Variants in ZFHX3 observed in about 807,000 individuals in gnomAD.
ZFHX3 encodes the protein zinc finger homeobox 3.
In ZFHX3, 42 loss-of-function variants were observed where a neutral mutation model predicts 279.1. That is an observed-to-expected ratio of 0.15 (90% CI 0.12 to 0.19). The LOEUF is 0.19. Among genes scored for constraint, ZFHX3 ranks in the 10% least tolerant of loss-of-function variants. ZFHX3 has a pLI of 1.00. For synonymous variants in ZFHX3, 2,293 were observed against 1,957.8 expected, an observed-to-expected ratio of 1.17 and a Z score of -4.52; for missense variants, 4,981 against 4,754.0, an observed-to-expected ratio of 1.05 and a Z score of -1.40.
At chr16:73,803,986 G>A (rs1029574354) in intron 1 of ZFHX3, among the ~76,000 whole-genome samples, 2 of 152,058 alleles carry the variant, frequency 1.3e-5, no homozygotes, top group South Asian at 2.1e-4. Context: ...GCAAAACCGC[G>A]TCTCTACAAA....
chr16:73,811,438 CTTTTTTTTTTTTT>C (rs34134056), intron 1 of ZFHX3, among the ~76,000 whole-genome samples: 1 of 106,568 alleles, frequency 9.4e-6, no homozygotes, highest in Non-Finnish European at 1.9e-5. Context: ...TCAGTCTCTT[CTTTTTTTTTTTTT>C]TTTTTTTTTT....
rs112020469 is a variant in ZFHX3, at chr16:73,310,738, A to G, written c.-1194+7502T>C. Among the ~76,000 whole-genome samples the G allele has an allele frequency of 2.1e-3, 314 of 152,330 alleles. 2 individuals carry two copies. Among genetic ancestry groups the G allele is most frequent in the African/African-American group, 7.0e-3 (289 of 41,572 alleles). ...TTATAACAGCAAAATTCTGGAAATA[A>G]TCCTCATTTCTAACAATAAAAGAAT... On this transcript the variant is annotated intron_variant, in intron 4 of 17. Transcript: ENST00000641206.
Position 73,200,777 on chromosome 16 carries a change from T to C in ZFHX3, c.-1104+56270A>G, listed in dbSNP as rs372669199. ...TTGTTGAAATCAGGGAAAATAATCC[T>C]ATCAAAGGAGCTATTTAGCATTTGA... On this transcript the variant is annotated intron_variant, in intron 5 of 17. Transcript: ENST00000641206. Among the ~76,000 whole-genome samples, 121 of 152,368 alleles carry C rather than the reference T, an allele frequency of 7.9e-4. 2 individuals carry two copies. In the South Asian group the frequency reaches 0.024, roughly 30 times the overall value.
At chr16:73,864,623 G>C (rs1440796707) in intron 1 of ZFHX3, among the ~76,000 whole-genome samples, 3 of 152,156 alleles carry the variant, frequency 2.0e-5, no homozygotes, top group African/African-American at 4.8e-5. Context: ...GGAGGTTGAG[G>C]CATGAAAATT....
At chr16:72,973,004 C>T (rs1264864770) in intron 1 of ZFHX3, among the ~76,000 whole-genome samples, 10 of 152,224 alleles carry the variant, frequency 6.6e-5, no homozygotes, top group Admixed American at 3.3e-4. Flanking sequence ...CTCTGTACAT[C>T]AGCTACCTTA....
At chr16:72,899,717 G>A (rs988729699) in intron 3 of ZFHX3, among the ~76,000 whole-genome samples, 14 of 152,030 alleles carry the variant, frequency 9.2e-5, no homozygotes, top group African/African-American at 2.4e-4. Flanking sequence ...GTTGGGTCTC[G>A]GTTTCCTTGT....
At position 73,525,069 on chromosome 16, in the gene ZFHX3, T is replaced by TG. The variant is rs574942740; in HGVS notation, c.-1546-68812dup. ...AAGGAAAAAAAATTTTCCCTGCCTA[T>TG]GGAAGGCATTGCTCAATAAGGAGAA... On this transcript the variant is annotated intron_variant, in intron 2 of 17. Transcript: ENST00000641206. 5.8e-4 allele frequency among the ~76,000 whole-genome samples: 88 copies of TG among 152,268 alleles called. 1 individual carries two copies. The highest frequency in any genetic ancestry group is 2.0e-3 in the African/African-American group (83 of 41,556).
chr16:73,248,880 G>A (rs565964841), intron 5 of ZFHX3, among the ~76,000 whole-genome samples: 3 of 151,970 alleles, frequency 2.0e-5, no homozygotes, highest in South Asian at 2.1e-4. Context: ...AATAATTCAA[G>A]TAATTTAAAT....
chr16:72,934,009 G>A (rs1959974138), intron 3 of ZFHX3, among the ~76,000 whole-genome samples: 1 of 151,822 alleles, frequency 6.6e-6, no homozygotes. Flanking sequence ...TAGTAGAGAT[G>A]GGGTTTCACC....
intron 4 of ZFHX3, among the ~76,000 whole-genome samples, chr16:72,852,965 A>AACTT (rs1242648984): frequency 6.6e-6 from 1 of 152,212 alleles, no homozygotes; most frequent in Non-Finnish European, 1.5e-5. Flanking sequence ...GCCCTCATGG[A>AACTT]ACTTACCCTC....
chr16:73,025,948 T>C (rs1193924499), intron 1 of ZFHX3, among the ~76,000 whole-genome samples: 3 of 151,942 alleles, frequency 2.0e-5, no homozygotes, highest in Non-Finnish European at 4.4e-5. Context: ...TGACACAGGA[T>C]TGAGACAAGT....
At chr16:73,045,792 A>C (rs1282014624) in intron 1 of ZFHX3, among the ~76,000 whole-genome samples, 1 of 139,998 alleles carries the variant, frequency 7.1e-6, no homozygotes, top group Non-Finnish European at 1.5e-5. Context: ...CATTTCAAAA[A>C]AAAAAAAAAA....
chr16:73,357,552 A>G (rs2016364697), intron 3 of ZFHX3, among the ~76,000 whole-genome samples: 1 of 152,168 alleles, frequency 6.6e-6, no homozygotes, highest in East Asian at 1.9e-4. Context: ...CAGATGAGCT[A>G]CTTCAATGTC....
At chr16:73,681,632 T>A (rs2053010965) in intron 1 of ZFHX3, among the ~76,000 whole-genome samples, 1 of 152,170 alleles carries the variant, frequency 6.6e-6, no homozygotes. Flanking sequence ...AGGCTTAGGA[T>A]CATCTAACAT....
At chr16:73,609,659 A>C (rs1366971417) in intron 2 of ZFHX3, 1 of 151,666 alleles carries the variant, frequency 6.6e-6, no homozygotes, top group African/African-American at 2.4e-5. Flanking sequence ...AAGGAAGGAA[A>C]GGAGGGAGGG....
intron 3 of ZFHX3, among the ~76,000 whole-genome samples, chr16:73,349,119 G>A (rs1262852322): frequency 1.3e-5 from 2 of 152,238 alleles, no homozygotes; most frequent in South Asian, 2.1e-4. Context: ...CCCACTCAGG[G>A]ATCTCCCGAG....
At chr16:73,139,241 A>C (rs1966839988) in intron 6 of ZFHX3, among the ~76,000 whole-genome samples, 1 of 152,214 alleles carries the variant, frequency 6.6e-6, no homozygotes, top group African/African-American at 2.4e-5. Flanking sequence ...TGAAACTATG[A>C]AAAATCATCA....
At position 73,237,641 on chromosome 16, in the gene ZFHX3, G is replaced by C. The variant is rs552440985; in HGVS notation, c.-1104+19406C>G. 1.3e-4 allele frequency among the ~76,000 whole-genome samples: 19 copies of C among 150,832 alleles called. No individual in the cohort carries two copies. In the South Asian group the frequency reaches 4.0e-3, roughly 32 times the overall value. ...CCTGCCTCAGCCTCCTAAAGTGCTG[G>C]GATTACAGGCATGAGCCACTATGCC... is the stretch of plus-strand genomic sequence containing the variant. On this transcript the variant is annotated intron_variant, in intron 5 of 17. Coordinates refer to the ZFHX3 transcript ENST00000641206.
At chr16:73,787,572 A>C (rs1292838558) in intron 1 of ZFHX3, among the ~76,000 whole-genome samples, 1 of 152,150 alleles carries the variant, frequency 6.6e-6, no homozygotes, top group Non-Finnish European at 1.5e-5. Context: ...TTAGGTATTC[A>C]AACAGCATTT....
Sources: gnomAD v4.1 joint callset for allele counts (sites outside exome capture counted in the v4.1 genomes callset) on GRCh38, gnomAD v4.1.1 for gene constraint, MANE v1.5 for transcripts, NCBI Gene and HGNC (gene_info 2026-07-23, HGNC 2026-07-21) for gene names.